Variants in AP5Z1 observed in about 807,000 individuals in gnomAD.
AP5Z1 encodes AP-5 complex subunit zeta-1.
A neutral mutation model predicts 83.0 loss-of-function variants in AP5Z1; 106 were observed. The ratio of observed to expected loss-of-function variants is 1.28; its 90% CI spans 1.09 to 1.50. The LOEUF is 1.50. Ranked by LOEUF, AP5Z1 falls within the 40% of genes most tolerant of loss-of-function variation. The probability of loss-of-function intolerance (pLI) is 0.00; values close to 1 mark genes in which losing one functional copy is unlikely to be tolerated. For missense variants in AP5Z1, 1,565 were observed against 1,094.2 expected, an observed-to-expected ratio of 1.43 and a Z score of -6.07; for synonymous variants, 751 against 514.1, an observed-to-expected ratio of 1.46 and a Z score of -6.23.
intron 6 of AP5Z1, 67 bp downstream of exon 6, chr7:4,784,438 G>A: frequency 6.6e-7 from 1 of 1,505,722 alleles, no homozygotes; most frequent in South Asian, 1.3e-5. Flanking sequence ...TTGGTCGCAG[G>A]GGGACACGGG....
intron 2 of AP5Z1, 65 bp downstream of exon 2, chr7:4,781,377 C>G (rs1781377119): frequency 1.2e-6 from 2 of 1,605,624 alleles, no homozygotes; most frequent in Non-Finnish European, 1.7e-6. Flanking sequence ...CAGCCCACGC[C>G]CAGCAGGTCA....
intron 10 of AP5Z1, 107 bp downstream of exon 10, chr7:4,786,535 CCT>C (rs1781550423): frequency 7.7e-7 from 1 of 1,293,832 alleles, no homozygotes; most frequent in Non-Finnish European, 1.1e-6. Flanking sequence ...AGCATAGAGC[CCT>C]GTGAGTCCCG....
At chr7:4,783,920 C>T (rs1425763073) in intron 5 of AP5Z1, 122 bp downstream of exon 5, 3 of 1,118,372 alleles carry the variant, frequency 2.7e-6, no homozygotes, top group African/African-American at 1.6e-5. Flanking sequence ...ACGAGCCTGC[C>T]TCTGCTGCGG....
intron 1 of AP5Z1, among the ~76,000 whole-genome samples, chr7:4,776,734 C>G (rs996308746): frequency 6.6e-6 from 1 of 151,776 alleles, no homozygotes; most frequent in Admixed American, 6.6e-5. Flanking sequence ...AACTCCGTCT[C>G]AAAAGAAAAA....
At chr7:4,791,089 C>A in intron 16 of AP5Z1, 26 bp from the exon 17 acceptor site, 1 of 1,545,670 alleles carries the variant, frequency 6.5e-7, no homozygotes, top group Non-Finnish European at 8.7e-7. Context: ...GCATCTGCAG[C>A]TGACGGAGGG....
At position 4,785,760 on chromosome 7, in the gene AP5Z1, C is replaced by G. The variant is rs1199275184; in HGVS notation, c.1132+76C>G. 9 of 1,140,876 alleles carry G rather than the reference C, an allele frequency of 7.9e-6. No individual in the cohort carries two copies. The African/African-American group carries it at 1.5e-4, about 19-fold the overall frequency. 70.7% of individuals were successfully genotyped at this position (1,140,876 alleles called of 1,614,324 possible). A position where few individuals can be genotyped will look rare whatever the true frequency, so the allele number is the denominator to read the frequency against. On this transcript the variant is annotated intron_variant, in intron 9 of 16. Coordinates refer to ENST00000649063, the MANE Select transcript of AP5Z1 (RefSeq NM_014855.3). ...GTTTTAGGATGGAATTTCTTCTTCC[C>G]TTTTTTTTTTTTTTTTTTTTGATTG...
In AP5Z1 at chr7:4,783,332, A is replaced by C; in HGVS notation, c.383A>C (p.Glu128Ala). Residue 128 changes from glutamate (E) to alanine (A), a missense_variant, in exon 4 of 17, where the codon GAG becomes GCG. Physicochemically the swap from Glu to Ala is moderately radical, Grantham distance 107. Coordinates refer to ENST00000649063, the MANE Select transcript of AP5Z1 (RefSeq NM_014855.3). ...GATTTGAAGGGTGACAGAAACGAGG[A>C]GGTCAGAGCCGTGGGCCAGGGCGTG... ...VLLAQGDRNE[E>A]VRAVGQGVLR... is the part of the protein sequence containing the mutation. 2 of 1,610,622 alleles carry C rather than the reference A, an allele frequency of 1.2e-6. No homozygotes were observed. The highest frequency in any genetic ancestry group is 1.7e-6 in the Non-Finnish European group (2 of 1,178,362).
rs753617406 is a variant in AP5Z1 at position 4,785,031 on chromosome 7, T to C, written c.914T>C (p.Ile305Thr). 1.2e-5 allele frequency: 20 copies of C among 1,604,316 alleles called. No individual in the cohort carries two copies. Among genetic ancestry groups the C allele is most frequent in the South Asian group, 3.3e-5 (3 of 90,660 alleles). Residue 305 changes from isoleucine to threonine, a missense_variant, in exon 7 of 17, where the codon ATT (isoleucine) becomes ACT (threonine). Coordinates refer to ENST00000649063, the MANE Select transcript of AP5Z1 (RefSeq NM_014855.3). Reference sequence around the variant, plus strand: ...GCCTTCGAGTACTGCCAGCGCCTCATTGAGCAAAGTAACCGACGTGAGTCC... The same window carrying C: ...GCCTTCGAGTACTGCCAGCGCCTCACTGAGCAAAGTAACCGACGTGAGTCC... ...EVAFEYCQRL[I>T]EQSNRRALRK...
In AP5Z1 at chr7:4,785,022, A is replaced by G. The variant is rs1303845320; in HGVS notation, c.905A>G (p.Gln302Arg). 1 of 1,608,216 alleles carries G rather than the reference A, an allele frequency of 6.2e-7. No individual in the cohort carries two copies. The highest frequency in any genetic ancestry group is 8.5e-7 in the Non-Finnish European group (1 of 1,176,482). Residue 302 changes from glutamine to arginine, a missense_variant, in exon 7 of 17, where the codon CAG (glutamine) becomes CGG (arginine). Physicochemically the swap from Gln to Arg is conservative, Grantham distance 43 (BLOSUM62 1). Transcript: ENST00000649063. ...CGGGAGGTGGCCTTCGAGTACTGCC[A>G]GCGCCTCATTGAGCAAAGTAACCGA... Reference protein sequence around the residue: ...RLREVAFEYCQRLIEQSNRRA... With the variant: ...RLREVAFEYCRRLIEQSNRRA...
chr7:4,790,025 C>G (rs544009294), intron 14 of AP5Z1, 96 bp downstream of exon 14: 3 of 1,059,468 alleles, frequency 2.8e-6, no homozygotes, highest in Non-Finnish European at 3.9e-6. Context: ...GGCTTCGGCA[C>G]CACCCCTAGC....
At chr7:4,788,979 TCC>T in intron 13 of AP5Z1, 28 bp downstream of exon 13, 1 of 1,586,920 alleles carries the variant, frequency 6.3e-7, no homozygotes, top group Non-Finnish European at 8.6e-7. Flanking sequence ...GGCCCCCCAT[TCC>T]CACAGGCCTC....
Position 4,783,694 on chromosome 7 carries a change from G to A in AP5Z1, c.517G>A (p.Ala173Thr). ...TGCCACCCCACCCACTGCAGACCAG[G>A]CCACCCTGCTCAGCAAGCGGCTGGT... ...LSPGTLQEDQ[A>T]TLLSKRLVDW... is the part of the protein sequence containing the mutation. Residue 173 changes from alanine (A) to threonine (T), a missense_variant, in exon 5 of 17, where the codon GCC (alanine) becomes ACC (threonine). Ala to Thr is a moderately conservative substitution (Grantham distance 58, BLOSUM62 0). Transcript: ENST00000649063. 1.3e-6 allele frequency: 2 copies of A among 1,550,432 alleles called. No homozygotes were observed.
In AP5Z1 at chr7:4,787,726, C is replaced by T. The variant is rs572309942; in HGVS notation, c.1404C>T (p.His468=). The part of the protein sequence containing the change: ...VDAGTALEML[H]ALLDLPCLTA... ...CTGGCACAGCCCTGGAGATGCTGCA[C>T]GCGCTGCTGGACCTGCCCTGCTTGA... The change falls in exon 11 of 17, where the codon CAC becomes CAT. Residue 468 remains histidine, a synonymous_variant. Transcript: ENST00000649063. 17 of 1,548,882 alleles carry T rather than the reference C, an allele frequency of 1.1e-5. No individual in the cohort carries two copies. The highest frequency in any genetic ancestry group is 5.8e-5 in the Admixed American group (3 of 51,598).
At position 4,790,603 on chromosome 7, in the gene AP5Z1, G is replaced by A. The variant is rs369504789; in HGVS notation, c.1938+12G>A. 19 of 1,612,420 alleles carry A rather than the reference G, an allele frequency of 1.2e-5. No individual in the cohort carries two copies. The highest frequency in any genetic ancestry group is 4.0e-5 in the African/African-American group (3 of 75,038). On this transcript the variant is annotated intron_variant, in intron 15 of 16. Coordinates refer to ENST00000649063, the MANE Select transcript of AP5Z1 (RefSeq NM_014855.3). ...TCGTCACCAGCGTGGTAAGGCGGGC[G>A]CTGGCCTCCCACAGCCGCTCCTGAC...
At chr7:4,787,517 A>G (rs933468759) in intron 10 of AP5Z1, 117 bp from the exon 11 acceptor site, 2 of 1,404,720 alleles carry the variant, frequency 1.4e-6, no homozygotes, top group Non-Finnish European at 1.9e-6. Context: ...AGGCAAAGGT[A>G]GAAGCCCTCC....
At chr7:4,785,726 C>A in intron 9 of AP5Z1, 42 bp downstream of exon 9, 1 of 1,383,446 alleles carries the variant, frequency 7.2e-7, no homozygotes, top group Non-Finnish European at 9.4e-7. Flanking sequence ...GGCTCTGCTT[C>A]TGCCTTTAGT....
In AP5Z1 at chr7:4,790,570, G is replaced by A. The variant is rs1781730417; in HGVS notation, c.1917G>A (p.Arg639=). ...FLGSVNGLCS[R]ASLVTSVVWA... is the part of the protein sequence containing the mutation. ...GCAGCGTGAATGGTCTCTGCAGCAG[G>A]GCGAGCCTCGTCACCAGCGTGGTAA... The change falls in exon 15 of 17, where the codon AGG becomes AGA. Residue 639 remains arginine (R), a synonymous_variant. Transcript: ENST00000649063. 1.9e-6 allele frequency: 3 copies of A among 1,613,024 alleles called. No individual in the cohort carries two copies. The African/African-American group carries it at 4.0e-5, about 21-fold the overall frequency.
intron 9 of AP5Z1, among the ~76,000 whole-genome samples, chr7:4,785,992 T>G (rs1051629426): frequency 6.6e-6 from 1 of 152,238 alleles, no homozygotes; most frequent in African/African-American, 2.4e-5. Context: ...CTTTTTGCTG[T>G]GTCCCTAGCC....
At position 4,783,434 on chromosome 7, in the gene AP5Z1, T is replaced by G; in HGVS notation, c.485T>G (p.Val162Gly). 6.2e-7 allele frequency: 1 copy of G among 1,612,698 alleles called. No individual in the cohort carries two copies. The highest frequency in any genetic ancestry group is 8.5e-7 in the Non-Finnish European group (1 of 1,179,684). Residue 162 changes from valine (V) to glycine (G), a missense_variant, in exon 4 of 17, where the codon GTC (valine) becomes GGC (glycine). Physicochemically the swap from Val to Gly is moderately radical, Grantham distance 109 (BLOSUM62 -3). Transcript: ENST00000649063. Reference sequence around the variant, plus strand: ...CTCCCCGTCATGGCCAAGGTCGTGGTCCTCAGCCCGGGCACCCTCCAGGAG... The same window carrying G: ...CTCCCCGTCATGGCCAAGGTCGTGGGCCTCAGCCCGGGCACCCTCCAGGAG... ...HLLPVMAKVVVLSPGTLQEDQ... is the reference protein window; with the variant it reads ...HLLPVMAKVVGLSPGTLQEDQ...
Sources: allele counts gnomAD v4.1 joint callset (sites outside exome capture counted in the v4.1 genomes callset), GRCh38; gene constraint gnomAD v4.1.1; transcripts MANE v1.5; gene names NCBI Gene and HGNC (gene_info 2026-07-23, HGNC 2026-07-21).